SPATA16: variants seen among roughly 807,000 people sequenced by gnomAD.
SPATA16 encodes spermatogenesis associated 16.
In SPATA16, 36 loss-of-function variants were observed where a neutral mutation model predicts 63.3. The observed-to-expected ratio is 0.57, with a 90% CI of 0.44 to 0.75. The LOEUF (loss-of-function observed/expected upper bound fraction) is 0.75, where lower values mean the gene tolerates loss of function less well. Among genes scored for constraint, SPATA16 ranks in the 30% least tolerant of loss-of-function variants. The pLI, the probability that SPATA16 is intolerant of heterozygous loss-of-function variation, is 0.00. For synonymous variants in SPATA16, 203 were observed against 216.7 expected, an observed-to-expected ratio of 0.94 and a Z score of 0.56; for missense variants, 646 against 679.3, an observed-to-expected ratio of 0.95 and a Z score of 0.54.
intron 1 of SPATA16, among the ~76,000 whole-genome samples, chr3:173,138,677 C>T (rs1168397086): frequency 2.0e-5 from 3 of 152,070 alleles, no homozygotes; most frequent in African/African-American, 7.2e-5. Flanking sequence ...TTCAACTGGC[C>T]TACTTAAAAC....
At chr3:173,123,759 A>G (rs1193801168) in intron 1 of SPATA16, among the ~76,000 whole-genome samples, 2 of 151,846 alleles carry the variant, frequency 1.3e-5, no homozygotes, top group South Asian at 4.2e-4. Flanking sequence ...GCCAACCACC[A>G]TGCCCAGCTA....
Position 172,976,961 on chromosome 3 carries a change from T to TACAG in SPATA16, c.933+6_933+7insCTGT, listed in dbSNP as rs1317083404. On this transcript the variant is annotated splice_region_variant and intron_variant, in intron 5 of 10. Transcript: ENST00000351008. The stretch of plus-strand genomic sequence containing the variant: ...TTCTCCTCCCTAGTTGGGACATCAA[T>TACAG]TTTTACCTGCCAATACAGTTTGATG... 1 of 1,611,734 alleles carries TACAG rather than the reference T, an allele frequency of 6.2e-7. No individual in the cohort carries two copies. Among genetic ancestry groups the TACAG allele is most frequent in the Non-Finnish European group, 8.5e-7 (1 of 1,178,826 alleles).
At chr3:173,029,415 TTG>T (rs1434171101) in intron 3 of SPATA16, among the ~76,000 whole-genome samples, 16 of 147,132 alleles carry the variant, frequency 1.1e-4, no homozygotes, top group Middle Eastern at 3.4e-3. Flanking sequence ...AGTTTTTTTT[TTG>T]TTTGTTTGTT....
intron 2 of SPATA16, among the ~76,000 whole-genome samples, chr3:173,064,112 C>G (rs981470618): frequency 3.3e-5 from 5 of 152,108 alleles, no homozygotes; most frequent in African/African-American, 9.6e-5. Context: ...TTTAGACCAG[C>G]TTGGCCAACA....
At chr3:172,921,872 TGGCCAGAGCATGGCCTTG>T (rs1276673087) in intron 8 of SPATA16, among the ~76,000 whole-genome samples, 1 of 152,236 alleles carries the variant, frequency 6.6e-6, no homozygotes, top group East Asian at 1.9e-4. Flanking sequence ...TAGGGTTACT[TGGCCAGAGCATGGCCTTG>T]GGCAAAAGTC....
chr3:173,118,926 T>C (rs486277), intron 1 of SPATA16, among the ~76,000 whole-genome samples: 1 of 152,220 alleles, frequency 6.6e-6, no homozygotes, highest in South Asian at 2.1e-4. Context: ...CTAACACTTG[T>C]GCTTCCTTTT....
At chr3:173,097,170 G>A (rs1737378961) in intron 2 of SPATA16, among the ~76,000 whole-genome samples, 1 of 152,080 alleles carries the variant, frequency 6.6e-6, no homozygotes, top group African/African-American at 2.4e-5. Context: ...ACATATCCAT[G>A]CTCTAGATGC....
At chr3:172,900,809 T>G (rs1184265642) in intron 10 of SPATA16, among the ~76,000 whole-genome samples, 1 of 151,744 alleles carries the variant, frequency 6.6e-6, no homozygotes, top group Non-Finnish European at 1.5e-5. Flanking sequence ...CCCAGCTAAT[T>G]TTTTGTATTT....
intron 10 of SPATA16, among the ~76,000 whole-genome samples, chr3:172,910,582 G>C (rs1732348785): frequency 6.6e-6 from 1 of 151,732 alleles, no homozygotes; most frequent in Non-Finnish European, 1.5e-5. Context: ...ACTGTAGTTT[G>C]TTGACCCTTG....
At chr3:172,938,547 T>C (rs1376090986) in intron 6 of SPATA16, among the ~76,000 whole-genome samples, 1 of 152,204 alleles carries the variant, frequency 6.6e-6, no homozygotes, top group African/African-American at 2.4e-5. Flanking sequence ...AAGTTCTATT[T>C]ACCCCAATGT....
chr3:172,989,064 T>C lies in SPATA16; in HGVS notation c.849-12012A>G, dbSNP rs79071969. Among the ~76,000 whole-genome samples the C allele has an allele frequency of 9.7e-3, 1,476 of 152,336 alleles. 23 individuals carry two copies. Among genetic ancestry groups the C allele is most frequent in the African/African-American group, 0.033 (1,356 of 41,582 alleles). On this transcript the variant is annotated intron_variant, in intron 4 of 10. Transcript: ENST00000351008. ...CAGCACTTTTCTAGACCCCTTTGGA[T>C]AGTCCATATCTCTGCTCTGGAATCT...
intron 1 of SPATA16, among the ~76,000 whole-genome samples, chr3:173,130,261 G>A (rs1321999463): frequency 6.0e-5 from 9 of 149,620 alleles, no homozygotes; most frequent in African/African-American, 2.2e-4. Context: ...TTGGGAGGCT[G>A]AGGCAGGAGA....
rs995707832 is a variant in SPATA16 at position 172,973,169 on chromosome 3, A to G, written c.933+3799T>C. On this transcript the variant is annotated intron_variant, in intron 5 of 10. Coordinates refer to ENST00000351008, the MANE Select transcript of SPATA16 (RefSeq NM_031955.6). ...ACAAAAGACTTTTCACAAGAGTGAG[A>G]AAACCATAATTTTCTGTAAATGCTG... Among the ~76,000 whole-genome samples the G allele has an allele frequency of 5.9e-5, 9 of 152,294 alleles. No individual in the cohort carries two copies. In the South Asian group the frequency reaches 1.5e-3, roughly 25 times the overall value.
At chr3:172,976,766 A>G (rs142565189) in intron 5 of SPATA16, among the ~76,000 whole-genome samples, 1 of 152,236 alleles carries the variant, frequency 6.6e-6, no homozygotes, top group African/African-American at 2.4e-5. Context: ...AGTATGGGCC[A>G]TGGGTTAACA....
chr3:172,950,369 A>G (rs1158384802), intron 6 of SPATA16, among the ~76,000 whole-genome samples: 1 of 152,180 alleles, frequency 6.6e-6, no homozygotes, highest in African/African-American at 2.4e-5. Flanking sequence ...AGCCCCATAG[A>G]TGAGGGATTT....
At chr3:172,935,987 A>T (rs935920340) in intron 6 of SPATA16, among the ~76,000 whole-genome samples, 11 of 152,240 alleles carry the variant, frequency 7.2e-5, no homozygotes, top group Admixed American at 5.9e-4. Context: ...AGCCCCACTG[A>T]ATAATGGCTT....
rs9821027 is a variant in SPATA16 at position 172,947,453 on chromosome 3, C to T, written c.1081+9224G>A. On this transcript the variant is annotated intron_variant, in intron 6 of 10. Transcript: ENST00000351008. ...ATGCTCTGAGTACATGTGGGTTTGA[C>T]TGGATTTGTTCATACCTTTCCAGAA... Among the ~76,000 whole-genome samples the T allele has an allele frequency of 5.9e-3, 905 of 152,270 alleles. 11 individuals carry two copies. The highest frequency in any genetic ancestry group is 0.021 in the African/African-American group (874 of 41,548).
chr3:173,137,822 A>AACACACACACACACACACAC (rs1185263699), intron 1 of SPATA16, among the ~76,000 whole-genome samples: 6 of 122,208 alleles, frequency 4.9e-5, no homozygotes, highest in Admixed American at 1.7e-4. Context: ...ATGGACTCTC[A>AACACACACACACACACACAC]ACACACACAC....
chr3:172,982,820 G>A (rs1734352114), intron 4 of SPATA16, among the ~76,000 whole-genome samples: 1 of 152,164 alleles, frequency 6.6e-6, no homozygotes, highest in South Asian at 2.1e-4. Context: ...GCAATTCTAA[G>A]AGTATGAGAA....
Sources: allele counts gnomAD v4.1 joint callset (sites outside exome capture counted in the v4.1 genomes callset), GRCh38; gene constraint gnomAD v4.1.1; transcripts MANE v1.5; gene names NCBI Gene and HGNC (gene_info 2026-07-23, HGNC 2026-07-21).